The following KIAA1217 variants were observed in gnomAD, a reference collection of about 807,000 sequenced individuals.
KIAA1217 encodes the protein sickle tail protein homolog.
Under a neutral mutation model 163.9 loss-of-function variants are expected in KIAA1217, and 88 were observed. The observed-to-expected ratio is 0.54, with a 90% confidence interval of 0.45 to 0.64. The LOEUF (loss-of-function observed/expected upper bound fraction) is 0.64, where lower values mean the gene tolerates loss of function less well. Among genes scored for constraint, KIAA1217 ranks in the 30% least tolerant of loss-of-function variants. The pLI is 0.00. For missense variants in KIAA1217, 2,372 were observed against 2,475.0 expected (o/e 0.96, Z 0.88); for synonymous variants, 903 against 923.1 (o/e 0.98, Z 0.39).
At chr10:24,326,029 G>A (rs762139437) in intron 2 of KIAA1217, among the ~76,000 whole-genome samples, 10 of 152,214 alleles carry the variant, frequency 6.6e-5, no homozygotes, top group South Asian at 2.1e-4. Flanking sequence ...GACCTGCCCC[G>A]CTAAGGCCTG....
intron 1 of KIAA1217, among the ~76,000 whole-genome samples, chr10:23,944,285 T>A (rs767037008): frequency 9.2e-5 from 14 of 151,764 alleles, no homozygotes; most frequent in Non-Finnish European, 1.9e-4. Context: ...ATTACCCAGG[T>A]GTGATGGCAC....
chr10:24,526,717 C>G (rs868307485), intron 13 of KIAA1217, among the ~76,000 whole-genome samples: 1 of 152,094 alleles, frequency 6.6e-6, no homozygotes, highest in African/African-American at 2.4e-5. Flanking sequence ...ACCAGGCCCT[C>G]GTAGGCTCGG....
At chr10:24,542,794 C>T (rs755041211) in intron 18 of KIAA1217, 24 bp downstream of exon 18, 61 of 1,612,590 alleles carry the variant, frequency 3.8e-5, no homozygotes, top group Middle Eastern at 1.6e-4. Flanking sequence ...ATCTGGGTTC[C>T]GACCAATACC....
chr10:24,049,578 A>T (rs956577503), intron 2 of KIAA1217, among the ~76,000 whole-genome samples: 1 of 151,998 alleles, frequency 6.6e-6, no homozygotes, highest in Non-Finnish European at 1.5e-5. Context: ...GGTTCTTGTG[A>T]TAGTTTGCTG....
chr10:23,846,572 G>A lies in KIAA1217; in HGVS notation c.-321+151338G>A, dbSNP rs1000824897. Among the ~76,000 whole-genome samples, 11 of 152,036 alleles carry A rather than the reference G, an allele frequency of 7.2e-5. 1 individual carries two copies. Among genetic ancestry groups the A allele is most frequent in the Admixed American group, 7.2e-4 (11 of 15,240 alleles). ...TTGTATAGGAATGCATGTGATTTTTGCACATTGATTTTGTATCCTAAGAGT... is the reference window on the plus strand; with the variant it reads ...TTGTATAGGAATGCATGTGATTTTTACACATTGATTTTGTATCCTAAGAGT... On this transcript the variant is annotated intron_variant, in intron 1 of 18. Transcript: ENST00000376462.
At chr10:24,387,767 A>C in intron 3 of KIAA1217, among the ~76,000 whole-genome samples, 1 of 152,084 alleles carries the variant, frequency 6.6e-6, no homozygotes, top group Admixed American at 6.5e-5. Flanking sequence ...ATAACAGACA[A>C]ACAGAGAGCC....
At chr10:24,208,900 C>T, upstream of KIAA1217, 1 of 307,422 alleles carries the variant, frequency 3.3e-6, no homozygotes, top group Non-Finnish European at 6.1e-6. Flanking sequence ...CCTGCCCTGG[C>T]AGAGCCCAGC....
chr10:24,152,327 T>C (rs1477948334), intron 2 of KIAA1217, among the ~76,000 whole-genome samples: 1 of 152,236 alleles, frequency 6.6e-6, no homozygotes, highest in Non-Finnish European at 1.5e-5. Context: ...TTGTAGTAAA[T>C]ATCCACAGAT....
rs2065514279 is a variant in KIAA1217, at chr10:24,169,417, T to TGAATAAGATATTC, written c.-170-50209_-170-50208insGAATAAGATATTC. ...TCTGAATAAGACCACCATCAGTCTC[T>TGAATAAGATATTC]AGCATATATTCTGCTTTATCTTTCT... On this transcript the variant is annotated intron_variant, in intron 2 of 18. Transcript: ENST00000376462. Among the ~76,000 whole-genome samples the TGAATAAGATATTC allele has an allele frequency of 1.4e-4, 19 of 132,994 alleles. No individual in the cohort carries two copies. In the Admixed American group the frequency reaches 1.5e-3, roughly 10 times the overall value. 87.2% of individuals were successfully genotyped at this position (132,994 alleles called of 152,430 possible).
intron 1 of KIAA1217, among the ~76,000 whole-genome samples, chr10:23,929,793 T>A (rs1938050): frequency 6.6e-6 from 1 of 152,020 alleles, no homozygotes; most frequent in African/African-American, 2.4e-5. Context: ...TTTGGTGGAA[T>A]AATTTATTTT....
intron 11 of KIAA1217, among the ~76,000 whole-genome samples, chr10:24,520,675 T>TATAGACAC (rs1411092462): frequency 1.3e-5 from 1 of 77,544 alleles, no homozygotes; most frequent in Non-Finnish European, 2.3e-5. Context: ...TATATATATA[T>TATAGACAC]ACACACACAC....
chr10:24,541,372 G>T (rs577062731), intron 17 of KIAA1217, among the ~76,000 whole-genome samples: 7 of 152,038 alleles, frequency 4.6e-5, no homozygotes, highest in Non-Finnish European at 1.0e-4. Context: ...TTGGTGGCTC[G>T]TGTACCTTGT....
intron 2 of KIAA1217, among the ~76,000 whole-genome samples, chr10:24,359,281 C>T (rs866829737): frequency 2.6e-5 from 4 of 151,756 alleles, no homozygotes; most frequent in Non-Finnish European, 4.4e-5. Flanking sequence ...TTTGTAAATA[C>T]GGAGTCTCAG....
chr10:24,048,445 C>T (rs1849207746), intron 2 of KIAA1217, among the ~76,000 whole-genome samples: 1 of 152,156 alleles, frequency 6.6e-6, no homozygotes, highest in Admixed American at 6.5e-5. Flanking sequence ...AAAATTTTCG[C>T]CCAGGTTGGG....
chr10:24,524,289 G>A lies in KIAA1217; in HGVS notation c.2457-34G>A, dbSNP rs532548972. 3.2e-6 allele frequency: 5 copies of A among 1,581,170 alleles called. No homozygotes were observed. In the African/African-American group the frequency reaches 5.4e-5, roughly 17 times the overall value. ...GTATACCACCATGAGAAAGTGACAT[G>A]AGGGTTAATGCCGCTGTGCATGGTT... is the stretch of plus-strand genomic sequence containing the variant. On this transcript the variant is annotated intron_variant, in intron 12 of 20. Coordinates refer to ENST00000376454, the MANE Select transcript of KIAA1217 (RefSeq NM_019590.5).
At chr10:23,711,935 A>T (rs1360124519) in intron 1 of KIAA1217, among the ~76,000 whole-genome samples, 1 of 152,162 alleles carries the variant, frequency 6.6e-6, no homozygotes, top group Non-Finnish European at 1.5e-5. Context: ...TCGCAGAGAA[A>T]CATGCTCCCT....
chr10:24,485,165 T>A (rs1312881462), intron 6 of KIAA1217, among the ~76,000 whole-genome samples: 1 of 151,152 alleles, frequency 6.6e-6, no homozygotes, highest in East Asian at 2.0e-4. Flanking sequence ...TTTATGTAAA[T>A]CCCTTCCAAC....
intron 2 of KIAA1217, among the ~76,000 whole-genome samples, chr10:24,346,254 C>T (rs11014045): frequency 0.24 from 36,091 of 151,882 alleles, 4,324 homozygotes; most frequent in South Asian, 0.34. Context: ...TCACCAGGTC[C>T]GGAGATCGAG....
intron 3 of KIAA1217, among the ~76,000 whole-genome samples, chr10:24,419,036 G>A (rs1211323496): frequency 6.6e-6 from 1 of 151,916 alleles, no homozygotes. Flanking sequence ...AATTAGCTGA[G>A]TGTGGTGGCA....
Sources: gnomAD v4.1 joint callset for allele counts (sites outside exome capture counted in the v4.1 genomes callset) on GRCh38, gnomAD v4.1.1 for gene constraint, MANE v1.5 for transcripts, NCBI Gene and HGNC (gene_info 2026-07-23, HGNC 2026-07-21) for gene names.